TEK: variants seen among roughly 807,000 people sequenced by gnomAD.
The protein encoded by TEK is TEK receptor tyrosine kinase.
A neutral mutation model predicts 131.8 loss-of-function variants in TEK; 43 were observed. The ratio of observed to expected loss-of-function variants is 0.33; its 90% confidence interval spans 0.26 to 0.42. The LOEUF (loss-of-function observed/expected upper bound fraction) is 0.42, where lower values mean the gene tolerates loss of function less well. TEK is among the 10% of genes least tolerant of loss of function. The pLI, the probability that TEK is intolerant of heterozygous loss-of-function variation, is 1.00. For missense variants in TEK, 1,162 were observed against 1,384.4 expected, an observed-to-expected ratio of 0.84 and a Z score of 2.55; for synonymous variants, 580 against 491.6, an observed-to-expected ratio of 1.18 and a Z score of -2.38.
chr9:27,212,686 T>G (rs1432817566), intron 16 of TEK, 21 bp from the exon 17 acceptor site: 1 of 1,613,878 alleles, frequency 6.2e-7, no homozygotes, highest in Non-Finnish European at 8.5e-7. Context: ...GATGAGTCGA[T>G]GCTCTCTTCC....
At chr9:27,120,642 A>G (rs1821750561) in intron 1 of TEK, among the ~76,000 whole-genome samples, 1 of 152,238 alleles carries the variant, frequency 6.6e-6, no homozygotes, top group Non-Finnish European at 1.5e-5. Context: ...GCAAATGAAA[A>G]GGGGAGGCAT....
At chr9:27,154,880 T>G (rs1408792155) in intron 1 of TEK, among the ~76,000 whole-genome samples, 1 of 152,190 alleles carries the variant, frequency 6.6e-6, no homozygotes, top group Non-Finnish European at 1.5e-5. Context: ...GGGAGATCTC[T>G]GAAAGGAGCA....
chr9:27,193,570 A>T (rs1235495956), intron 11 of TEK, among the ~76,000 whole-genome samples: 1 of 152,152 alleles, frequency 6.6e-6, no homozygotes, highest in Non-Finnish European at 1.5e-5. Context: ...CTCCATTGAA[A>T]TACTGGAGTG....
rs750709410 is a variant in TEK at position 27,192,482 on chromosome 9, T to C, written c.1490-7T>C. ...ACTTAAGTTTCCTGGACGTTTTCTC[T>C]TCTCAGTGACAAATGAGATTGTTAC... On this transcript the variant is annotated splice_region_variant and splice_polypyrimidine_tract_variant and intron_variant, in intron 10 of 22. Coordinates refer to ENST00000380036, the MANE Select transcript of TEK (RefSeq NM_000459.5). 8 of 1,613,752 alleles carry C rather than the reference T, an allele frequency of 5.0e-6. No homozygotes were observed. In the African/African-American group the frequency reaches 1.1e-4, roughly 22 times the overall value.
intron 1 of TEK, among the ~76,000 whole-genome samples, chr9:27,125,436 A>C (rs1821951974): frequency 6.6e-6 from 1 of 152,228 alleles, no homozygotes; most frequent in Non-Finnish European, 1.5e-5. Context: ...GCCGGTGACT[A>C]AGACTAGCTT....
In TEK at chr9:27,164,066, T is replaced by G. The variant is rs150601349; in HGVS notation, c.365-4429T>G. Among the ~76,000 whole-genome samples the G allele has an allele frequency of 1.0e-3, 159 of 152,316 alleles. 1 individual carries two copies. The highest frequency in any genetic ancestry group is 3.5e-3 in the African/African-American group (147 of 41,568). On this transcript the variant is annotated intron_variant, in intron 2 of 22. Transcript: ENST00000380036. ...AATGAGGTGGTTGGACCTTAAAGCC[T>G]TCTGAGTGCTAACATTACATAATCT...
At chr9:27,200,766 TTA>T (rs1825187499) in intron 12 of TEK, among the ~76,000 whole-genome samples, 1 of 152,180 alleles carries the variant, frequency 6.6e-6, no homozygotes, top group Non-Finnish European at 1.5e-5. Flanking sequence ...TATATGTGTG[TTA>T]TGTTTTCCTG....
chr9:27,173,536 T>G lies in TEK; in HGVS notation c.901+174T>G, dbSNP rs533379940. ...TCCAATGTTAATTATACTTTCACAG[T>G]AAAAATCTAGACCGCATAGAAAGTA... On this transcript the variant is annotated intron_variant, in intron 6 of 22. Transcript: ENST00000380036. 3.3e-5 allele frequency among the ~76,000 whole-genome samples: 5 copies of G among 152,318 alleles called. No homozygotes were observed. In the South Asian group the frequency reaches 1.0e-3, roughly 32 times the overall value.
intron 15 of TEK, among the ~76,000 whole-genome samples, chr9:27,208,394 T>C (rs1825479697): frequency 1.3e-5 from 2 of 152,218 alleles, no homozygotes; most frequent in South Asian, 4.1e-4. Flanking sequence ...GACTCAAGAC[T>C]GATCAGTTTA....
At chr9:27,144,643 C>G in intron 1 of TEK, among the ~76,000 whole-genome samples, 1 of 152,130 alleles carries the variant, frequency 6.6e-6, no homozygotes, top group East Asian at 1.9e-4. Flanking sequence ...ATCAGACAAG[C>G]TACTTCCCAA....
chr9:27,111,319 G>T (rs1017679602), intron 1 of TEK, among the ~76,000 whole-genome samples: 1 of 152,154 alleles, frequency 6.6e-6, no homozygotes, highest in African/African-American at 2.4e-5. Flanking sequence ...ATCGTAGCTT[G>T]CATTCCTAGT....
intron 1 of TEK, among the ~76,000 whole-genome samples, chr9:27,136,976 C>T (rs949742045): frequency 2.6e-5 from 4 of 152,072 alleles, no homozygotes; most frequent in Non-Finnish European, 2.9e-5. Flanking sequence ...AGTGCAGTGG[C>T]GCAGTCTCGG....
intron 10 of TEK, 126 bp from the exon 11 acceptor site, chr9:27,192,363 C>A: frequency 9.4e-7 from 1 of 1,064,876 alleles, no homozygotes. Flanking sequence ...ATGGAATTGC[C>A]TCTCTGTTTC....
At chr9:27,149,565 C>T (rs1823049421) in intron 1 of TEK, among the ~76,000 whole-genome samples, 1 of 152,126 alleles carries the variant, frequency 6.6e-6, no homozygotes, top group African/African-American at 2.4e-5. Flanking sequence ...GAATTTCTTC[C>T]ATTATAGACT....
Position 27,212,737 on chromosome 9 carries a change from C to A in TEK, c.2717C>A (p.Pro906His). ...GYLYLAIEYA[P>H]HGNLLDFLRK... is the part of the protein sequence containing the mutation. ...TTGTACCTGGCCATTGAGTACGCGC[C>A]CCATGGAAACCTTCTGGACTTCCTT... is the stretch of plus-strand genomic sequence containing the variant. The change falls in exon 17 of 23, where the codon CCC (proline) becomes CAC (histidine). Residue 906 changes from proline (P) to histidine (H), a missense_variant. Physicochemically the swap from Pro to His is moderately conservative, Grantham distance 77. This residue lies in a region of TEK where 57 missense variants were observed against 100.8 expected (regional missense o/e 0.57). Transcript: ENST00000380036. 1.2e-6 allele frequency: 2 copies of A among 1,614,130 alleles called. No individual in the cohort carries two copies. Among genetic ancestry groups the A allele is most frequent in the Non-Finnish European group, 1.7e-6 (2 of 1,180,012 alleles).
intron 1 of TEK, among the ~76,000 whole-genome samples, chr9:27,122,608 G>A (rs757245523): frequency 2.6e-5 from 4 of 152,058 alleles, no homozygotes; most frequent in African/African-American, 7.2e-5. Flanking sequence ...AGGATGAAGC[G>A]GTGTGAGGTA....
chr9:27,193,365 C>T (rs112885374), intron 11 of TEK, among the ~76,000 whole-genome samples: 1 of 152,128 alleles, frequency 6.6e-6, no homozygotes, highest in East Asian at 1.9e-4. Flanking sequence ...GGCCGGGGTT[C>T]AAAAATTTGC....
chr9:27,117,888 G>A (rs1821630771), intron 1 of TEK, among the ~76,000 whole-genome samples: 1 of 152,154 alleles, frequency 6.6e-6, no homozygotes, highest in African/African-American at 2.4e-5. Context: ...TGCTTCCTGG[G>A]GGGAGCACTG....
intron 15 of TEK, among the ~76,000 whole-genome samples, chr9:27,208,895 T>A (rs1043247336): frequency 1.3e-5 from 2 of 151,872 alleles, no homozygotes; most frequent in Admixed American, 6.5e-5. Flanking sequence ...GAGGCCAGGA[T>A]GGCTGCAAAA....
Sources: allele counts gnomAD v4.1 joint callset (sites outside exome capture counted in the v4.1 genomes callset), GRCh38; gene constraint gnomAD v4.1.1; regional missense constraint gnomAD v4.1.1; transcripts MANE v1.5; gene names NCBI Gene and HGNC (gene_info 2026-07-23, HGNC 2026-07-21).